LRR1: variants seen among roughly 807,000 people sequenced by gnomAD.
LRR1 encodes the protein leucine rich repeat protein 1.
A neutral mutation model predicts 31.6 loss-of-function variants in LRR1; 29 were observed. The ratio of observed to expected loss-of-function variants is 0.92; its 90% CI spans 0.68 to 1.25. LRR1 has a LOEUF of 1.25. LRR1 is among the 50% of genes most tolerant of loss of function. LRR1 has a pLI of 0.00. For synonymous variants in LRR1, 179 were observed against 181.4 expected (o/e 0.99, Z 0.10); for missense variants, 485 against 487.2 (o/e 1.00, Z 0.04).
chr14:49,609,998 C>T (rs909161894), intron 3 of LRR1, among the ~76,000 whole-genome samples: 1 of 151,864 alleles, frequency 6.6e-6, no homozygotes, highest in African/African-American at 2.4e-5. Flanking sequence ...GTGAGCCTCT[C>T]AAAGTGCTGG....
chr14:49,601,475 C>A, intron 1 of LRR1: 1 of 566,496 alleles, frequency 1.8e-6, no homozygotes, highest in Non-Finnish European at 3.0e-6. Flanking sequence ...TTTAAATATG[C>A]CATTTATATA....
At chr14:49,602,825 T>G (rs1436047554) in intron 2 of LRR1, among the ~76,000 whole-genome samples, 1 of 148,246 alleles carries the variant, frequency 6.7e-6, no homozygotes, top group African/African-American at 2.6e-5. Context: ...GCTTGCTTGC[T>G]TTTTTTGTTT....
At chr14:49,608,685 T>G (rs965435214) in intron 3 of LRR1, among the ~76,000 whole-genome samples, 4 of 151,780 alleles carry the variant, frequency 2.6e-5, no homozygotes, top group South Asian at 2.1e-4. Flanking sequence ...CAGCAGGATC[T>G]GCATTACCTA....
intron 2 of LRR1, among the ~76,000 whole-genome samples, chr14:49,603,801 C>T (rs1882180979): frequency 6.8e-6 from 1 of 146,484 alleles, no homozygotes; most frequent in Non-Finnish European, 1.5e-5. Flanking sequence ...TCAAGCGATT[C>T]TCCTGCCCCA....
At chr14:49,611,424 G>T (rs1219025715) in intron 3 of LRR1, among the ~76,000 whole-genome samples, 2 of 152,044 alleles carry the variant, frequency 1.3e-5, no homozygotes, top group African/African-American at 4.8e-5. Context: ...GCAGTGAGCC[G>T]AGATGGCACC....
chr14:49,606,058 G>A (rs902548588), intron 2 of LRR1, among the ~76,000 whole-genome samples: 6 of 139,732 alleles, frequency 4.3e-5, no homozygotes, highest in Admixed American at 1.5e-4. Context: ...ATATGGAGTC[G>A]CTCTGTCGCC....
chr14:49,603,681 C>CTTTTTTTTTTT (rs1192131820), intron 2 of LRR1: 1 of 648,220 alleles, frequency 1.5e-6, no homozygotes, highest in Non-Finnish European at 1.8e-6. Context: ...GTAATCATTC[C>CTTTTTTTTTTT]TTTTTTTTTT....
Position 49,598,955 on chromosome 14 carries a change from G to A in LRR1, c.-66G>A. 2 of 1,525,358 alleles carry A rather than the reference G, an allele frequency of 1.3e-6. No homozygotes were observed. 94.5% of individuals were successfully genotyped at this position (1,525,358 alleles called of 1,614,324 possible). A position where few individuals can be genotyped will look rare whatever the true frequency, so the allele number is the denominator to read the frequency against. On this transcript the variant is annotated 5_prime_UTR_variant, in exon 1 of 4. Coordinates refer to ENST00000298288, the MANE Select transcript of LRR1 (RefSeq NM_152329.4). ...CCGCGTGCGCGAGGACCCCGATGGC[G>A]GCGCCGGGTGGCGGGAAGGAGGAAG...
chr14:49,600,005 G>C, intron 1 of LRR1: 3 of 1,606,868 alleles, frequency 1.9e-6, no homozygotes, highest in Non-Finnish European at 2.5e-6. Context: ...TGGCTCACGG[G>C]CCCGGCGCGC....
In LRR1 at chr14:49,614,487, G is replaced by T; in HGVS notation, c.1236G>T (p.Met412Ile). ...SLGCYVNSSD[M>I]LK ...GCTGTTATGTTAATTCCTCTGATAT[G>T]TTAAAGTAATGGGTGAGACCAGAAA... The change falls in exon 4 of 4, where the codon ATG becomes ATT. Residue 412 changes from methionine to isoleucine, a missense_variant. Coordinates refer to ENST00000298288, the MANE Select transcript of LRR1 (RefSeq NM_152329.4). The T allele has an allele frequency of 6.2e-7, 1 of 1,613,684 alleles. No individual in the cohort carries two copies. Among genetic ancestry groups the T allele is most frequent in the Non-Finnish European group, 8.5e-7 (1 of 1,179,768 alleles).
chr14:49,604,770 TCAAA>T (rs1882219429), intron 2 of LRR1, among the ~76,000 whole-genome samples: 1 of 152,128 alleles, frequency 6.6e-6, no homozygotes, highest in Non-Finnish European at 1.5e-5. Context: ...AGACCCTTTC[TCAAA>T]CAAAAAAAAT....
At position 49,607,489 on chromosome 14, in the gene LRR1, A is replaced by G; in HGVS notation, c.372A>G (p.Thr124=). The change falls in exon 3 of 4, where the codon ACA becomes ACG. Residue 124 remains threonine (T), a synonymous_variant. Transcript: ENST00000298288. ...TTGATACACCAGTTTCAACGCTCAC[A>G]CCAGTGAAGACTTCAGAATTTGAAA... ...CNVDTPVSTL[T]PVKTSEFENF... is the part of the protein sequence containing the mutation. 1.9e-6 allele frequency: 3 copies of G among 1,614,104 alleles called. No homozygotes were observed. The highest frequency in any genetic ancestry group is 2.5e-6 in the Non-Finnish European group (3 of 1,180,012).
rs114183039 is a variant in LRR1 at position 49,601,738 on chromosome 14, T to G, written c.184-632T>G. On this transcript the variant is annotated intron_variant, in intron 1 of 3. Coordinates refer to ENST00000298288, the MANE Select transcript of LRR1 (RefSeq NM_152329.4). ...TTCTCTCAAAACATGGTGATCCTGTTCTCAAAGGAGAGTTACTGGACAGAC... is the reference window on the plus strand; with the variant it reads ...TTCTCTCAAAACATGGTGATCCTGTGCTCAAAGGAGAGTTACTGGACAGAC... The G allele has an allele frequency of 2.0e-3, 2,455 of 1,251,612 alleles. 37 individuals carry two copies. The African/African-American group carries it at 0.034, about 17-fold the overall frequency. 77.5% of individuals were successfully genotyped at this position (1,251,612 alleles called of 1,614,324 possible).
Position 49,607,952 on chromosome 14 carries a change from G to A in LRR1, c.835G>A (p.Ala279Thr). The change falls in exon 3 of 4, where the codon GCA becomes ACA. Residue 279 changes from alanine (A) to threonine (T), a missense_variant. Physicochemically the swap from Ala to Thr is moderately conservative, Grantham distance 58. Transcript: ENST00000298288. Reference protein sequence around the residue: ...GQLINLRFLSAARNKLPFLPS... With the variant: ...GQLINLRFLSTARNKLPFLPS... ...ACTAATAAACCTTCGCTTTTTGTCA[G>A]CAGCTCGAAATAAGCTTCCATTTTT... 1.9e-6 allele frequency: 3 copies of A among 1,613,880 alleles called. No homozygotes were observed. The highest frequency in any genetic ancestry group is 2.5e-6 in the Non-Finnish European group (3 of 1,179,932).
chr14:49,600,003 G>T, intron 1 of LRR1: 2 of 1,606,240 alleles, frequency 1.2e-6, no homozygotes. Flanking sequence ...CATGGCTCAC[G>T]GGCCCGGCGC....
At chr14:49,606,649 A>ATTT (rs58159657) in intron 2 of LRR1, among the ~76,000 whole-genome samples, 2 of 145,130 alleles carry the variant, frequency 1.4e-5, no homozygotes, top group African/African-American at 5.2e-5. Context: ...TTAAACTCAA[A>ATTT]TTTTTTTTTT....
intron 3 of LRR1, among the ~76,000 whole-genome samples, chr14:49,611,449 T>A (rs1425274640): frequency 6.6e-6 from 1 of 152,064 alleles, no homozygotes; most frequent in Admixed American, 6.6e-5. Flanking sequence ...CACTCCAGCT[T>A]GGGAGTGCAG....
Position 49,614,440 on chromosome 14 carries a change from A to G in LRR1, c.1189A>G (p.Ile397Val). 3 of 1,614,050 alleles carry G rather than the reference A, an allele frequency of 1.9e-6. No homozygotes were observed. The highest frequency in any genetic ancestry group is 2.2e-5 in the East Asian group (1 of 44,834). The change falls in exon 4 of 4, where the codon ATC becomes GTC. Residue 397 changes from isoleucine (I) to valine (V), a missense_variant. Physicochemically the swap from Ile to Val is conservative, Grantham distance 29. Around this residue, in one of 3 missense-constraint regions of LRR1, gnomAD observed 210 missense variants for 200.4 expected, o/e 1.05. Transcript: ENST00000298288. ...DNLGGTEAPI[I>V]SYFCSLGCYV... ...TTTGGGTGGTACTGAAGCACCTATT[A>G]TCTCTTATTTCTGTTCTCTAGGCTG...
intron 3 of LRR1, among the ~76,000 whole-genome samples, chr14:49,608,823 A>C (rs947460809): frequency 4.6e-5 from 7 of 151,124 alleles, no homozygotes; most frequent in Non-Finnish European, 8.8e-5. Context: ...GAGAGTTCGC[A>C]TAGTGATGAA....
Sources: gnomAD v4.1 joint callset for allele counts (sites outside exome capture counted in the v4.1 genomes callset) on GRCh38, gnomAD v4.1.1 for gene constraint, gnomAD v4.1.1 regional missense constraint, MANE v1.5 for transcripts, NCBI Gene and HGNC (gene_info 2026-07-23, HGNC 2026-07-21) for gene names.